BCO1: variants seen among roughly 807,000 people sequenced by gnomAD.
BCO1 encodes the protein beta-carotene oxygenase 1.
In BCO1, 54 loss-of-function variants were observed where a neutral mutation model predicts 56.3. That is an observed-to-expected ratio of 0.96 (90% CI 0.77 to 1.20). BCO1 has a LOEUF of 1.20. Among genes scored for constraint, BCO1 ranks in the 50% most tolerant of loss-of-function variants. The pLI, the probability that BCO1 is intolerant of heterozygous loss-of-function variation, is 0.00. For synonymous variants in BCO1, 318 were observed against 266.1 expected (o/e 1.20, Z -1.90); for missense variants, 801 against 690.9 (o/e 1.16, Z -1.79).
chr16:81,244,350 G>A (rs747387978), intron 1 of BCO1, among the ~76,000 whole-genome samples: 1 of 151,710 alleles, frequency 6.6e-6, no homozygotes, highest in Non-Finnish European at 1.5e-5. Context: ...TTATTTCAGT[G>A]GTATATTTTA....
At chr16:81,276,719 G>T (rs1462709869) in intron 7 of BCO1, among the ~76,000 whole-genome samples, 1 of 152,206 alleles carries the variant, frequency 6.6e-6, no homozygotes, top group Non-Finnish European at 1.5e-5. Flanking sequence ...CACTTGAAAT[G>T]TGGCTGGTGC....
intron 5 of BCO1, among the ~76,000 whole-genome samples, chr16:81,266,952 A>G (rs974852187): frequency 2.0e-5 from 3 of 152,180 alleles, no homozygotes; most frequent in Non-Finnish European, 4.4e-5. Flanking sequence ...GGTGGCCACA[A>G]GAGAGGTGGG....
At chr16:81,272,046 C>A (rs1346712202) in intron 7 of BCO1, among the ~76,000 whole-genome samples, 5 of 151,868 alleles carry the variant, frequency 3.3e-5, no homozygotes, top group African/African-American at 1.2e-4. Context: ...AGTGCCCGGC[C>A]AGTACTTCAT....
intron 1 of BCO1, among the ~76,000 whole-genome samples, chr16:81,240,117 A>G (rs528538933): frequency 6.6e-6 from 1 of 152,238 alleles, no homozygotes; most frequent in South Asian, 2.1e-4. Context: ...AAGGTAAGGC[A>G]CAATCTATAG....
At chr16:81,289,707 TG>T (rs1374274783) in intron 10 of BCO1, among the ~76,000 whole-genome samples, 1 of 151,916 alleles carries the variant, frequency 6.6e-6, no homozygotes, top group Non-Finnish European at 1.5e-5. Flanking sequence ...ATTTACAGAG[TG>T]CTTTCAAAAT....
At chr16:81,255,417 G>A (rs1267244103) in intron 2 of BCO1, among the ~76,000 whole-genome samples, 2 of 152,174 alleles carry the variant, frequency 1.3e-5, no homozygotes, top group African/African-American at 2.4e-5. Context: ...ACTTCATTTG[G>A]TAAAAAAGTT....
rs1025678127 is a variant in BCO1 at position 81,251,476 on chromosome 16, C to G, written c.193+5873C>G. On this transcript the variant is annotated intron_variant, in intron 2 of 10. Coordinates refer to ENST00000258168, the MANE Select transcript of BCO1 (RefSeq NM_017429.3). Reference sequence around the variant, plus strand: ...TTAGGAGACTGAGGCAGGAGGATCACTTGAGCCTTGGAGGCAGAGGCTGCA... The same window carrying G: ...TTAGGAGACTGAGGCAGGAGGATCAGTTGAGCCTTGGAGGCAGAGGCTGCA... 2.0e-5 allele frequency among the ~76,000 whole-genome samples: 3 copies of G among 152,086 alleles called. No individual in the cohort carries two copies. The East Asian group carries it at 5.8e-4, about 29-fold the overall frequency.
chr16:81,255,106 A>T (rs1467081866), intron 2 of BCO1, among the ~76,000 whole-genome samples: 2 of 152,126 alleles, frequency 1.3e-5, no homozygotes, highest in East Asian at 3.8e-4. Flanking sequence ...CTTGATCAGG[A>T]TGTAGTTTGC....
chr16:81,260,609 A>C (rs904152655), intron 3 of BCO1, among the ~76,000 whole-genome samples: 4 of 152,256 alleles, frequency 2.6e-5, no homozygotes, highest in Non-Finnish European at 5.9e-5. Context: ...CCCAGGTTCA[A>C]GTGATTCTCC....
At chr16:81,240,338 G>C (rs1000502359) in intron 1 of BCO1, among the ~76,000 whole-genome samples, 3 of 152,192 alleles carry the variant, frequency 2.0e-5, no homozygotes, top group African/African-American at 7.2e-5. Flanking sequence ...TTTTCAAAAA[G>C]CAAATGTATA....
At chr16:81,277,175 C>A (rs939503686) in intron 7 of BCO1, among the ~76,000 whole-genome samples, 1 of 151,824 alleles carries the variant, frequency 6.6e-6, no homozygotes, top group African/African-American at 2.4e-5. Flanking sequence ...TGAAGGGCTG[C>A]GTGTCAAGGC....
chr16:81,278,426 G>C (rs149643351), intron 7 of BCO1, among the ~76,000 whole-genome samples: 2 of 152,068 alleles, frequency 1.3e-5, no homozygotes, highest in Admixed American at 1.3e-4. Context: ...TACAGCCACC[G>C]TGCAAAACAA....
chr16:81,257,419 C>G (rs1906209219), intron 2 of BCO1, among the ~76,000 whole-genome samples: 2 of 151,896 alleles, frequency 1.3e-5, no homozygotes, highest in Admixed American at 1.3e-4. Context: ...GGTGTGCCAC[C>G]ACACCCAGCT....
intron 2 of BCO1, among the ~76,000 whole-genome samples, chr16:81,250,603 T>TG (rs1222176889): frequency 7.7e-6 from 1 of 129,754 alleles, no homozygotes; most frequent in Non-Finnish European, 1.6e-5. Flanking sequence ...TTTTTTGAGA[T>TG]GGAGTCTCAC....
At chr16:81,284,230 T>A (rs865881973) in intron 8 of BCO1, among the ~76,000 whole-genome samples, 2 of 127,388 alleles carry the variant, frequency 1.6e-5, no homozygotes, top group African/African-American at 5.9e-5. Flanking sequence ...ATATATATAT[T>A]TTTATATATT....
intron 2 of BCO1, among the ~76,000 whole-genome samples, chr16:81,250,543 A>G (rs1018661996): frequency 2.0e-5 from 3 of 151,454 alleles, no homozygotes; most frequent in Admixed American, 1.3e-4. Context: ...AATAACTCTC[A>G]AAAAGTGGTT....
chr16:81,246,334 A>T (rs1472975147), intron 2 of BCO1, among the ~76,000 whole-genome samples: 2 of 152,172 alleles, frequency 1.3e-5, no homozygotes, highest in African/African-American at 2.4e-5. Context: ...CCATTTTGAT[A>T]TGTCAGGTCA....
At chr16:81,242,084 G>A (rs957906321) in intron 1 of BCO1, among the ~76,000 whole-genome samples, 1 of 151,748 alleles carries the variant, frequency 6.6e-6, no homozygotes, top group African/African-American at 2.4e-5. Flanking sequence ...TATATTCTCA[G>A]ATGCCTCTCT....
chr16:81,249,169 C>T (rs1288648613), intron 2 of BCO1, among the ~76,000 whole-genome samples: 1 of 150,568 alleles, frequency 6.6e-6, no homozygotes, highest in Non-Finnish European at 1.5e-5. Context: ...CGGCTCACTG[C>T]AACCTTCGCC....
Sources: allele counts gnomAD v4.1 joint callset (sites outside exome capture counted in the v4.1 genomes callset), GRCh38; gene constraint gnomAD v4.1.1; transcripts MANE v1.5; gene names NCBI Gene and HGNC (gene_info 2026-07-23, HGNC 2026-07-21).